Variants in APPL1 observed in about 807,000 individuals in gnomAD.
APPL1 encodes DCC-interacting protein 13-alpha.
APPL1 carries 42 observed loss-of-function variants against 106.8 expected under a neutral mutation model. That is an observed-to-expected ratio of 0.39 (90% CI 0.31 to 0.51). The LOEUF is 0.51. Ranked by LOEUF, APPL1 falls within the 20% of genes least tolerant of loss-of-function variation. APPL1 has a pLI of 0.75. For synonymous variants in APPL1, 263 were observed against 281.8 expected (o/e 0.93, Z 0.67); for missense variants, 769 against 858.2 (o/e 0.90, Z 1.30).
chr3:57,256,193 A>G (rs1158745868), intron 13 of APPL1, among the ~76,000 whole-genome samples: 1 of 152,228 alleles, frequency 6.6e-6, no homozygotes, highest in Non-Finnish European at 1.5e-5. Flanking sequence ...TGGGCAATAG[A>G]GAACGTATCT....
rs746737315 is a variant in APPL1 at position 57,247,443 on chromosome 3, G to A, written c.670G>A (p.Glu224Lys). The A allele has an allele frequency of 6.2e-7, 1 of 1,611,282 alleles. No individual in the cohort carries two copies. The highest frequency in any genetic ancestry group is 8.5e-7 in the Non-Finnish European group (1 of 1,178,148). The change falls in exon 9 of 22, where the codon GAA becomes AAA. Residue 224 changes from glutamate to lysine, a missense_variant. Physicochemically the swap from Glu to Lys is moderately conservative, Grantham distance 56. Transcript: ENST00000288266. The part of the protein sequence containing the change: ...GSENLNEQLE[E>K]FLANIGTSVQ... ...TGAAAATCTTAATGAACAACTGGAA[G>A]AATTTTTAGCTAATATTGGAACAAG...
intron 15 of APPL1, among the ~76,000 whole-genome samples, chr3:57,257,823 A>G (rs2060845488): frequency 6.6e-6 from 1 of 152,212 alleles, no homozygotes; most frequent in Non-Finnish European, 1.5e-5. Flanking sequence ...ATCTTCAGGA[A>G]GTTACTAAAA....
In APPL1 at chr3:57,272,942, C is replaced by G. The variant is rs2060954631; in HGVS notation, c.*3255C>G. The G allele has an allele frequency of 6.6e-6, 1 of 152,456 alleles. No homozygotes were observed. Among genetic ancestry groups the G allele is most frequent in the South Asian group, 2.1e-4 (1 of 4,826 alleles). 9.4% of individuals were successfully genotyped at this position (152,456 alleles called of 1,614,324 possible). On this transcript the variant is annotated 3_prime_UTR_variant, in exon 22 of 22. Coordinates refer to ENST00000288266, the MANE Select transcript of APPL1 (RefSeq NM_012096.3). ...TGTTGGTTCTGAAACAGCCTCTTAGCATTCAGATTGTATTTTAAATACTTA... is the reference window on the plus strand; with the variant it reads ...TGTTGGTTCTGAAACAGCCTCTTAGGATTCAGATTGTATTTTAAATACTTA...
At chr3:57,234,489 G>A (rs2060705585) in intron 1 of APPL1, among the ~76,000 whole-genome samples, 1 of 151,384 alleles carries the variant, frequency 6.6e-6, no homozygotes, top group Non-Finnish European at 1.5e-5. Flanking sequence ...TAGTAGAGAT[G>A]GGGTTTCACC....
Position 57,252,313 on chromosome 3 carries a change from T to C in APPL1, c.1095+2T>C. On this transcript the variant is annotated splice_donor_variant, in intron 12 of 21. Coordinates refer to ENST00000288266, the MANE Select transcript of APPL1 (RefSeq NM_012096.3). LOFTEE classifies it high-confidence loss of function. Reference sequence around the variant, plus strand: ...GAGAGTAAAAAAGATCATGAAGAGGTAAGATTTTACCTAGTTCATTTCTTC... The same window carrying C: ...GAGAGTAAAAAAGATCATGAAGAGGCAAGATTTTACCTAGTTCATTTCTTC... 2.5e-6 allele frequency: 4 copies of C among 1,600,188 alleles called. No individual in the cohort carries two copies. Among genetic ancestry groups the C allele is most frequent in the Non-Finnish European group, 3.4e-6 (4 of 1,170,906 alleles).
intron 7 of APPL1, among the ~76,000 whole-genome samples, chr3:57,245,080 T>C (rs1226643724): frequency 6.6e-6 from 1 of 152,122 alleles, no homozygotes; most frequent in Non-Finnish European, 1.5e-5. Flanking sequence ...TTTTAGCACA[T>C]AAACACACAT....
rs2107617942 is a variant in APPL1 at position 57,273,425 on chromosome 3, A to G, written c.*3738A>G. On this transcript the variant is annotated 3_prime_UTR_variant, in exon 22 of 22. Transcript: ENST00000288266. ...GAAAAAAGTTGTTAGAAGATTTTTT[A>G]ATGTATAATAAAGTCCATGATTTTT... 1 of 152,736 alleles carries G rather than the reference A, an allele frequency of 6.5e-6. No homozygotes were observed. The highest frequency in any genetic ancestry group is 1.9e-4 in the East Asian group (1 of 5,188). 9.5% of individuals were successfully genotyped at this position (152,736 alleles called of 1,614,324 possible). A position where few individuals can be genotyped will look rare whatever the true frequency, so the allele number is the denominator to read the frequency against.
rs968692048 is a variant in APPL1 at position 57,272,032 on chromosome 3, C to T, written c.*2345C>T. On this transcript the variant is annotated 3_prime_UTR_variant, in exon 22 of 22. Coordinates refer to ENST00000288266, the MANE Select transcript of APPL1 (RefSeq NM_012096.3). ...TGATTGTTACCCTCCTTTGAAATCC[C>T]TTCTAGTTCTGAGATGCTTTGAGGG... is the stretch of plus-strand genomic sequence containing the variant. 6.6e-6 allele frequency: 1 copy of T among 152,148 alleles called. No individual in the cohort carries two copies. The highest frequency in any genetic ancestry group is 2.4e-5 in the African/African-American group (1 of 41,434). 9.4% of individuals were successfully genotyped at this position (152,148 alleles called of 1,614,324 possible). A position where few individuals can be genotyped will look rare whatever the true frequency, so the allele number is the denominator to read the frequency against.
Position 57,259,079 on chromosome 3 carries a change from A to G in APPL1, c.1482A>G (p.Glu494=), listed in dbSNP as rs2060851840. 6.2e-7 allele frequency: 1 copy of G among 1,611,080 alleles called. No homozygotes were observed. Among genetic ancestry groups the G allele is most frequent in the South Asian group, 1.1e-5 (1 of 90,586 alleles). The change falls in exon 16 of 22, where the codon GAA becomes GAG. Residue 494 remains glutamate (E), a splice_region_variant and synonymous_variant. Coordinates refer to ENST00000288266, the MANE Select transcript of APPL1 (RefSeq NM_012096.3). Reference sequence around the variant, plus strand: ...GAGGAAGTACAAAATCTGAAACTGAAGGTAAGACAGATGTGCAGCATTCAT... The same window carrying G: ...GAGGAAGTACAAAATCTGAAACTGAGGGTAAGACAGATGTGCAGCATTCAT... The part of the protein sequence containing the change: ...ESGGSTKSET[E]DSILHQLFIV...
At chr3:57,250,654 C>T (rs553888771) in intron 11 of APPL1, among the ~76,000 whole-genome samples, 13 of 152,000 alleles carry the variant, frequency 8.6e-5, no homozygotes, top group Non-Finnish European at 1.8e-4. Context: ...TTGCAGCCAC[C>T]TATTAAAAAC....
intron 13 of APPL1, among the ~76,000 whole-genome samples, chr3:57,256,736 T>C (rs369642854): frequency 2.0e-5 from 3 of 152,194 alleles, no homozygotes; most frequent in African/African-American, 4.8e-5. Context: ...CTAATAATTA[T>C]GTATAAGTAG....
At chr3:57,260,551 A>G in intron 18 of APPL1, 77 bp from the exon 19 acceptor site, 2 of 1,312,840 alleles carry the variant, frequency 1.5e-6, no homozygotes, top group Non-Finnish European at 2.1e-6. Context: ...TTTAGAACTT[A>G]GCATATGAGT....
intron 1 of APPL1, among the ~76,000 whole-genome samples, chr3:57,229,042 G>C (rs1210669245): frequency 6.6e-6 from 1 of 152,152 alleles, no homozygotes; most frequent in Non-Finnish European, 1.5e-5. Flanking sequence ...GAATTGATTT[G>C]TTCTTTTTTA....
chr3:57,259,996 A>G lies in APPL1; in HGVS notation c.1635A>G (p.Leu545=). Residue 545 remains leucine (L), a synonymous_variant, in exon 17 of 22, where the codon TTA becomes TTG. Coordinates refer to ENST00000288266, the MANE Select transcript of APPL1 (RefSeq NM_012096.3). ...HNIFRMTESH[L]LVTCDCLKLI... ...TCTTTCGTATGACAGAATCGCATTT[A>G]TTAGTCACTTGTGACTGTTTAAAGT... 1 of 1,613,860 alleles carries G rather than the reference A, an allele frequency of 6.2e-7. No homozygotes were observed. The highest frequency in any genetic ancestry group is 8.5e-7 in the Non-Finnish European group (1 of 1,179,952).
At chr3:57,258,813 C>G (rs1195116892) in intron 15 of APPL1, 2 of 406,408 alleles carry the variant, frequency 4.9e-6, no homozygotes, top group East Asian at 7.5e-5. Flanking sequence ...TCCAATTCAT[C>G]TGTGTCTTCT....
In APPL1 at chr3:57,246,164, T is replaced by A. The variant is rs541626610; in HGVS notation, c.563T>A (p.Leu188His). 1 of 1,612,236 alleles carries A rather than the reference T, an allele frequency of 6.2e-7. No individual in the cohort carries two copies. Among genetic ancestry groups the A allele is most frequent in the African/African-American group, 1.3e-5 (1 of 74,944 alleles). Residue 188 changes from leucine to histidine, a missense_variant, in exon 8 of 22, where the codon CTT (leucine) becomes CAT (histidine). Transcript: ENST00000288266. ...MMHYFCALNT[L>H]QYKKKIALLE... is the part of the protein sequence containing the mutation. Reference sequence around the variant, plus strand: ...CATTATTTTTGTGCATTAAATACTCTTCAGTACAAGAAGAAAATAGCATTG... The same window carrying A: ...CATTATTTTTGTGCATTAAATACTCATCAGTACAAGAAGAAAATAGCATTG...
chr3:57,240,375 AC>A, intron 4 of APPL1, 89 bp from the exon 5 acceptor site: 1 of 989,454 alleles, frequency 1.0e-6, no homozygotes, highest in Non-Finnish European at 1.6e-6. Flanking sequence ...ATATATCAGA[AC>A]CATTTTTACT....
Position 57,246,223 on chromosome 3 carries a change from G to A in APPL1, c.621+1G>A. On this transcript the variant is annotated splice_donor_variant, in intron 8 of 21. Transcript: ENST00000288266. LOFTEE classifies it high-confidence loss of function. ...TCTACTTGGGTACATGCAAGCTCAG[G>A]TAAATACTGTACTGTATTTGGATTA... The A allele has an allele frequency of 2.5e-6, 4 of 1,590,564 alleles. No individual in the cohort carries two copies. The highest frequency in any genetic ancestry group is 1.2e-5 in the South Asian group (1 of 85,800).
chr3:57,257,177 CAT>C (rs2107607131), intron 14 of APPL1, 67 bp from the exon 15 acceptor site: 1 of 1,559,440 alleles, frequency 6.4e-7, no homozygotes, highest in Non-Finnish European at 8.7e-7. Flanking sequence ...TTTCTTTTTT[CAT>C]AGTTTGTTAA....
Sources: allele counts gnomAD v4.1 joint callset (sites outside exome capture counted in the v4.1 genomes callset), GRCh38; gene constraint gnomAD v4.1.1; transcripts MANE v1.5; gene names NCBI Gene and HGNC (gene_info 2026-07-23, HGNC 2026-07-21).